The following CPED1 variants were observed in gnomAD, a reference collection of about 807,000 sequenced individuals.
CPED1 encodes cadherin-like and PC-esterase domain-containing protein 1.
In CPED1, 114 loss-of-function variants were observed where a neutral mutation model predicts 128.2. The ratio of observed to expected loss-of-function variants is 0.89; its 90% CI spans 0.76 to 1.04. The LOEUF (loss-of-function observed/expected upper bound fraction) is 1.04, where lower values mean the gene tolerates loss of function less well. CPED1 is among the 50% of genes least tolerant of loss of function. The pLI, the probability that CPED1 is intolerant of heterozygous loss-of-function variation, is 0.00. For synonymous variants in CPED1, 462 were observed against 426.7 expected, an observed-to-expected ratio of 1.08 and a Z score of -1.02; for missense variants, 1,211 against 1,207.1, an observed-to-expected ratio of 1.00 and a Z score of -0.05.
At position 121,208,039 on chromosome 7, in the gene CPED1, G is replaced by A. The variant is rs191998813; in HGVS notation, c.2056-28675G>A. 1.3e-3 allele frequency among the ~76,000 whole-genome samples: 205 copies of A among 151,868 alleles called. 2 individuals are homozygous for A. The highest frequency in any genetic ancestry group is 1.8e-3 in the Non-Finnish European group (121 of 67,942). On this transcript the variant is annotated intron_variant, in intron 16 of 22. Transcript: ENST00000310396. ...CTCCTAACTCACTTTCCTACCTCTA[G>A]ACTCACTTGTCTTGAGTCTAGCTGT...
intron 3 of CPED1, among the ~76,000 whole-genome samples, chr7:121,031,685 T>C (rs1472741572): frequency 6.6e-6 from 1 of 152,230 alleles, no homozygotes; most frequent in Non-Finnish European, 1.5e-5. Context: ...CATTATCACA[T>C]GTCTTCAGTA....
At position 120,995,704 on chromosome 7, in the gene CPED1, T is replaced by C. The variant is rs528437191; in HGVS notation, c.249+5834T>C. Among the ~76,000 whole-genome samples the C allele has an allele frequency of 1.4e-4, 22 of 152,288 alleles. No homozygotes were observed. The South Asian group carries it at 4.6e-3, about 32-fold the overall frequency. Reference sequence around the variant, plus strand: ...GTCACCCAACCACCATTTTCCTAGATGCATAGTTTTTACACCTTTGATATT... The same window carrying C: ...GTCACCCAACCACCATTTTCCTAGACGCATAGTTTTTACACCTTTGATATT... On this transcript the variant is annotated intron_variant, in intron 2 of 22. Transcript: ENST00000310396.
chr7:121,275,519 C>T (rs1325621443), intron 22 of CPED1, among the ~76,000 whole-genome samples: 1 of 152,114 alleles, frequency 6.6e-6, no homozygotes, highest in African/African-American at 2.4e-5. Context: ...ATAATGTTAT[C>T]AACACAAACC....
chr7:121,235,569 C>T (rs938117477), intron 16 of CPED1, among the ~76,000 whole-genome samples: 3 of 152,090 alleles, frequency 2.0e-5, no homozygotes, highest in African/African-American at 7.2e-5. Flanking sequence ...CACTGTTTCT[C>T]TCCATTGTTG....
intron 5 of CPED1, among the ~76,000 whole-genome samples, chr7:121,088,855 G>A (rs534016417): frequency 1.2e-4 from 18 of 146,298 alleles, no homozygotes; most frequent in Admixed American, 6.5e-4. Context: ...ACTTCAGATA[G>A]GAAGGCCCTT....
In CPED1 at chr7:120,991,600, G is replaced by A. The variant is rs375451615; in HGVS notation, c.249+1730G>A. Among the ~76,000 whole-genome samples the A allele has an allele frequency of 8.3e-4, 127 of 152,278 alleles. 4 individuals carry two copies. In the South Asian group the frequency reaches 0.024, roughly 29 times the overall value. ...CTTTCTTACTCCCCTTGTTCACTCT[G>A]TGTGATTCCTACTTTGTTTGTAATT... On this transcript the variant is annotated intron_variant, in intron 2 of 22. Transcript: ENST00000310396.
At chr7:121,087,873 G>A (rs1794473592) in intron 5 of CPED1, among the ~76,000 whole-genome samples, 1 of 151,886 alleles carries the variant, frequency 6.6e-6, no homozygotes, top group South Asian at 2.1e-4. Flanking sequence ...TCTTGGCCAG[G>A]CTGATCTTGA....
At chr7:121,284,227 C>A (rs191524957) in intron 22 of CPED1, among the ~76,000 whole-genome samples, 60 of 152,304 alleles carry the variant, frequency 3.9e-4, no homozygotes, top group African/African-American at 1.3e-3. Context: ...AACTCATTCA[C>A]TATCATGAGA....
intron 3 of CPED1, among the ~76,000 whole-genome samples, chr7:121,034,627 C>G (rs1242720272): frequency 6.6e-6 from 1 of 152,064 alleles, no homozygotes; most frequent in Non-Finnish European, 1.5e-5. Context: ...ATATGTAGGA[C>G]CCTATAATTG....
At chr7:121,024,822 A>G (rs1792534314) in intron 3 of CPED1, among the ~76,000 whole-genome samples, 1 of 152,172 alleles carries the variant, frequency 6.6e-6, no homozygotes, top group Non-Finnish European at 1.5e-5. Context: ...AGATTGAGGA[A>G]AGACTCCAGG....
intron 18 of CPED1, among the ~76,000 whole-genome samples, chr7:121,250,602 T>A (rs1385709021): frequency 6.6e-6 from 1 of 151,754 alleles, no homozygotes; most frequent in Non-Finnish European, 1.5e-5. Context: ...GAAAGAAGAA[T>A]CAAATAGATG....
intron 5 of CPED1, among the ~76,000 whole-genome samples, chr7:121,067,231 AT>A (rs549249524): frequency 8.5e-5 from 13 of 152,230 alleles, no homozygotes; most frequent in African/African-American, 2.6e-4. Context: ...GTCATTTAAC[AT>A]TAGGTATATC....
chr7:121,192,605 T>C (rs1432577841), intron 16 of CPED1, among the ~76,000 whole-genome samples: 2 of 150,072 alleles, frequency 1.3e-5, no homozygotes, highest in Non-Finnish European at 3.0e-5. Flanking sequence ...ACAAAATGTT[T>C]GGCACATTAT....
At chr7:121,255,005 A>G (rs1392446147) in intron 18 of CPED1, among the ~76,000 whole-genome samples, 5 of 151,994 alleles carry the variant, frequency 3.3e-5, no homozygotes, top group African/African-American at 9.7e-5. Flanking sequence ...TACCAATGCT[A>G]CTGAAACTAT....
At chr7:121,080,710 T>TACAC (rs60277044) in intron 5 of CPED1, among the ~76,000 whole-genome samples, 13 of 151,014 alleles carry the variant, frequency 8.6e-5, no homozygotes, top group African/African-American at 2.7e-4. Flanking sequence ...ACCTTCATTT[T>TACAC]ACACACACAC....
chr7:121,179,633 A>G (rs1004539777), intron 16 of CPED1, among the ~76,000 whole-genome samples: 2 of 152,076 alleles, frequency 1.3e-5, no homozygotes, highest in African/African-American at 4.8e-5. Context: ...TGTTTACATG[A>G]ATTGAAATGT....
intron 4 of CPED1, among the ~76,000 whole-genome samples, chr7:121,057,773 AG>A (rs1793538755): frequency 6.6e-6 from 1 of 152,240 alleles, no homozygotes; most frequent in Non-Finnish European, 1.5e-5. Context: ...GGTGCTGGGA[AG>A]ATAGCAATTA....
At chr7:121,100,164 AT>A in intron 7 of CPED1, 70 bp downstream of exon 7, 1 of 1,360,238 alleles carries the variant, frequency 7.4e-7, no homozygotes, top group Non-Finnish European at 1.0e-6. Flanking sequence ...TTGGGCTGCC[AT>A]TTTCCCACCT....
intron 15 of CPED1, 102 bp downstream of exon 15, chr7:121,141,115 G>C (rs1795892474): frequency 1.1e-6 from 1 of 884,766 alleles, no homozygotes; most frequent in Non-Finnish European, 1.6e-6. Context: ...CATAAGATCA[G>C]TTGAAAGATT....
Sources: gnomAD v4.1 joint callset for allele counts (sites outside exome capture counted in the v4.1 genomes callset) on GRCh38, gnomAD v4.1.1 for gene constraint, MANE v1.5 for transcripts, NCBI Gene and HGNC (gene_info 2026-07-23, HGNC 2026-07-21) for gene names.